Variants in ULK4 observed in about 807,000 individuals in gnomAD.
The protein encoded by ULK4 is inactive serine/threonine-protein kinase ULK4.
A neutral mutation model predicts 160.6 loss-of-function variants in ULK4; 133 were observed. The ratio of observed to expected loss-of-function variants is 0.83; its 90% CI spans 0.72 to 0.96. The LOEUF is 0.96. ULK4 is among the 40% of genes least tolerant of loss of function. The pLI is 0.00. For synonymous variants in ULK4, 534 were observed against 539.8 expected (o/e 0.99, Z 0.15); for missense variants, 1,580 against 1,499.5 (o/e 1.05, Z -0.89).
chr3:41,937,217 T>C, intron 3 of ULK4: 1 of 538,152 alleles, frequency 1.9e-6, no homozygotes. Flanking sequence ...TGTTTTACAG[T>C]TAGGATATTA....
chr3:41,833,151 T>C (rs2041646570), intron 18 of ULK4, among the ~76,000 whole-genome samples: 1 of 152,230 alleles, frequency 6.6e-6, no homozygotes, highest in Admixed American at 6.5e-5. Flanking sequence ...ATATTGATTC[T>C]TCCTATCCAT....
intron 17 of ULK4, among the ~76,000 whole-genome samples, chr3:41,846,173 T>A (rs1006488957): frequency 2.6e-5 from 4 of 152,174 alleles, no homozygotes; most frequent in African/African-American, 9.7e-5. Context: ...TTGGATAGCA[T>A]TAAAAAGTAC....
chr3:41,907,817 A>G lies in ULK4; in HGVS notation c.1182+28T>C, dbSNP rs760316496. 19 of 1,455,226 alleles carry G rather than the reference A, an allele frequency of 1.3e-5. No homozygotes were observed. In the South Asian group the frequency reaches 2.4e-4, roughly 18 times the overall value. 90.1% of individuals were successfully genotyped at this position (1,455,226 alleles called of 1,614,324 possible). On this transcript the variant is annotated intron_variant, in intron 12 of 36. Coordinates refer to ENST00000301831, the MANE Select transcript of ULK4 (RefSeq NM_017886.4). ...TCTTGTGAGCTTCTACATCTTATGT[A>G]GGAAGAAAATTTCCCAAGTCTGCTC...
chr3:41,842,260 C>A (rs2041950971), intron 17 of ULK4, among the ~76,000 whole-genome samples: 1 of 148,132 alleles, frequency 6.8e-6, no homozygotes, highest in African/African-American at 2.5e-5. Flanking sequence ...GAGCTATGAT[C>A]AAGCCACTGT....
At chr3:41,669,715 T>C (rs1011636362) in intron 29 of ULK4, among the ~76,000 whole-genome samples, 1 of 152,096 alleles carries the variant, frequency 6.6e-6, no homozygotes, top group Non-Finnish European at 1.5e-5. Flanking sequence ...TGATTGGGAA[T>C]TGTTTAAATG....
At chr3:41,783,359 A>G (rs2039911173) in intron 21 of ULK4, among the ~76,000 whole-genome samples, 1 of 152,038 alleles carries the variant, frequency 6.6e-6, no homozygotes, top group African/African-American at 2.4e-5. Flanking sequence ...CAACATGGCA[A>G]AACTCTGTCT....
At chr3:41,413,874 T>C (rs115373685) in intron 34 of ULK4, among the ~76,000 whole-genome samples, 149 of 152,286 alleles carry the variant, frequency 9.8e-4, no homozygotes, top group African/African-American at 3.2e-3. Context: ...CCAGATACCT[T>C]TGAACTTCAG....
chr3:41,272,064 G>C (rs774287254), intron 35 of ULK4, among the ~76,000 whole-genome samples: 1 of 152,066 alleles, frequency 6.6e-6, no homozygotes, highest in East Asian at 1.9e-4. Context: ...TTGCAGGCAT[G>C]TGCCACAACA....
At chr3:41,728,001 G>C (rs1425439857) in intron 22 of ULK4, among the ~76,000 whole-genome samples, 1 of 152,202 alleles carries the variant, frequency 6.6e-6, no homozygotes, top group Non-Finnish European at 1.5e-5. Context: ...TGGAATAACA[G>C]AGCCACCATT....
At chr3:41,394,663 GAGAAATCCGAATT>G (rs2082020339) in intron 35 of ULK4, among the ~76,000 whole-genome samples, 1 of 152,020 alleles carries the variant, frequency 6.6e-6, no homozygotes, top group Admixed American at 6.6e-5. Flanking sequence ...GTGCAAAGTT[GAGAAATCCGAATT>G]TGAACCCTGG....
At chr3:41,628,704 T>A (rs902996753) in intron 30 of ULK4, among the ~76,000 whole-genome samples, 2 of 152,150 alleles carry the variant, frequency 1.3e-5, no homozygotes, top group African/African-American at 4.8e-5. Flanking sequence ...GAAACTGGAG[T>A]ATGATCTACA....
At chr3:41,624,645 A>C (rs771376073) in intron 30 of ULK4, among the ~76,000 whole-genome samples, 20 of 152,302 alleles carry the variant, frequency 1.3e-4, no homozygotes, top group Admixed American at 6.5e-4. Flanking sequence ...CTCTAAACAT[A>C]ATTTAGAGCT....
At chr3:41,681,101 C>T (rs373478768) in intron 29 of ULK4, among the ~76,000 whole-genome samples, 18 of 152,112 alleles carry the variant, frequency 1.2e-4, no homozygotes, top group Non-Finnish European at 2.2e-4. Flanking sequence ...AAGTTCTATT[C>T]CAAGAGTTTG....
At chr3:41,297,602 T>C (rs1317302011) in intron 35 of ULK4, among the ~76,000 whole-genome samples, 2 of 152,206 alleles carry the variant, frequency 1.3e-5, no homozygotes, top group African/African-American at 4.8e-5. Context: ...AGCAAATCAG[T>C]GTCCTTTGGG....
At chr3:41,597,210 GT>G (rs1174149415) in intron 31 of ULK4, among the ~76,000 whole-genome samples, 1 of 152,286 alleles carries the variant, frequency 6.6e-6, no homozygotes, top group African/African-American at 2.4e-5. Context: ...AAGTCCTTGT[GT>G]GTCAACCATA....
chr3:41,498,313 A>C (rs1004298907), intron 32 of ULK4, among the ~76,000 whole-genome samples: 2 of 152,242 alleles, frequency 1.3e-5, no homozygotes, highest in African/African-American at 2.4e-5. Flanking sequence ...CATGGGTCAA[A>C]GAAAATAATC....
At chr3:41,684,337 C>G (rs2036028499) in intron 27 of ULK4, among the ~76,000 whole-genome samples, 1 of 152,188 alleles carries the variant, frequency 6.6e-6, no homozygotes, top group African/African-American at 2.4e-5. Flanking sequence ...GTCTATGACC[C>G]CTATAAGCCT....
intron 35 of ULK4, among the ~76,000 whole-genome samples, chr3:41,384,195 G>A (rs1371801087): frequency 6.6e-6 from 1 of 151,904 alleles, no homozygotes; most frequent in Non-Finnish European, 1.5e-5. Flanking sequence ...TAGTATAAGG[G>A]GCCACTATCA....
At chr3:41,954,176 T>TAAA (rs11325222) in intron 2 of ULK4, among the ~76,000 whole-genome samples, 7 of 118,656 alleles carry the variant, frequency 5.9e-5, no homozygotes, top group Non-Finnish European at 6.7e-5. Context: ...GACTCCGTCT[T>TAAA]AAAAAAAAAA....
Sources: gnomAD v4.1 joint callset for allele counts (sites outside exome capture counted in the v4.1 genomes callset) on GRCh38, gnomAD v4.1.1 for gene constraint, MANE v1.5 for transcripts, NCBI Gene and HGNC (gene_info 2026-07-23, HGNC 2026-07-21) for gene names.